The following TAF6L variants were observed in gnomAD, a reference collection of about 807,000 sequenced individuals.
TAF6L encodes TAF6-like RNA polymerase II p300/CBP-associated factor-associated factor 65 kDa subunit 6L.
In TAF6L, 34 loss-of-function variants were observed where a neutral mutation model predicts 57.3. The observed-to-expected ratio is 0.59, with a 90% CI of 0.45 to 0.79. The LOEUF (loss-of-function observed/expected upper bound fraction) is 0.79. Ranked by LOEUF, TAF6L falls within the 30% of genes least tolerant of loss-of-function variation. The probability of loss-of-function intolerance (pLI) is 0.00; values close to 1 mark genes in which losing one functional copy is unlikely to be tolerated. For synonymous variants in TAF6L, 417 were observed against 376.3 expected, an observed-to-expected ratio of 1.11 and a Z score of -1.25; for missense variants, 782 against 853.2, an observed-to-expected ratio of 0.92 and a Z score of 1.04.
rs2084232377 is a variant in TAF6L, at chr11:62,781,875, T to A, written c.532-19T>A. On this transcript the variant is annotated intron_variant, in intron 6 of 10. Transcript: ENST00000294168. The stretch of plus-strand genomic sequence containing the variant: ...CAATTTTCTGGTGGATCCAATGCAG[T>A]CTGGGCCCTTCCTTTTAGGTTGCAC... The A allele has an allele frequency of 1.2e-6, 2 of 1,612,902 alleles. No individual in the cohort carries two copies. Among genetic ancestry groups the A allele is most frequent in the Non-Finnish European group, 1.7e-6 (2 of 1,179,046 alleles).
chr11:62,771,995 G>C, intron 1 of TAF6L: 3 of 409,764 alleles, frequency 7.3e-6, no homozygotes, highest in South Asian at 1.7e-5. Context: ...TACAGCTGGC[G>C]GCTCCTGAAT....
chr11:62,777,519 G>A (rs776736727), intron 3 of TAF6L, among the ~76,000 whole-genome samples: 4 of 152,092 alleles, frequency 2.6e-5, no homozygotes, highest in Non-Finnish European at 4.4e-5. Context: ...CCCTTAAAGG[G>A]TGGTGAAGAA....
intron 5 of TAF6L, 54 bp from the exon 6 acceptor site, chr11:62,778,815 C>A: frequency 6.7e-7 from 1 of 1,488,482 alleles, no homozygotes; most frequent in Non-Finnish European, 9.4e-7. Context: ...GCTGGAGAGG[C>A]CAGGAGAGGG....
intron 1 of TAF6L, among the ~76,000 whole-genome samples, chr11:62,773,690 C>T (rs1344191654): frequency 6.6e-6 from 1 of 152,120 alleles, no homozygotes; most frequent in African/African-American, 2.4e-5. Context: ...TCAGGTGATT[C>T]GCCCGCCTTG....
intron 9 of TAF6L, among the ~76,000 whole-genome samples, chr11:62,784,011 CAG>C (rs2084250539): frequency 7.3e-6 from 1 of 136,502 alleles, no homozygotes; most frequent in African/African-American, 2.7e-5. Flanking sequence ...GCCCGGGCGA[CAG>C]AGTCTCACAC....
In TAF6L at chr11:62,786,650, G is replaced by T. The variant is rs774111090; in HGVS notation, c.1223G>T (p.Gly408Val). ...CTTCTCTTTCAAGAGTCGTCCTCCG[G>T]GGGCGGTGCAGAACCCAGCTTTGGG... is the stretch of plus-strand genomic sequence containing the variant. ...DSLLFQESSS[G>V]GGAEPSFGSG... Residue 408 changes from glycine (G) to valine (V), a missense_variant, in exon 11 of 11, where the codon GGG becomes GTG. Gly to Val is a moderately radical substitution (Grantham distance 109). Around this residue, in one of 3 missense-constraint regions of TAF6L, gnomAD observed 483 missense variants for 445.1 expected, o/e 1.09. Coordinates refer to ENST00000294168, the MANE Select transcript of TAF6L (RefSeq NM_006473.4). 1 of 1,605,056 alleles carries T rather than the reference G, an allele frequency of 6.2e-7. No homozygotes were observed. The highest frequency in any genetic ancestry group is 8.5e-7 in the Non-Finnish European group (1 of 1,176,180).
chr11:62,774,653 AT>A, intron 1 of TAF6L: 1 of 455,096 alleles, frequency 2.2e-6, no homozygotes, highest in Non-Finnish European at 4.4e-6. Context: ...TCGGTTTCTT[AT>A]TGTGCTATAC....
intron 6 of TAF6L, among the ~76,000 whole-genome samples, chr11:62,780,438 G>A (rs1283601318): frequency 6.6e-6 from 1 of 152,092 alleles, no homozygotes; most frequent in Non-Finnish European, 1.5e-5. Flanking sequence ...TTGAACCTGG[G>A]AGGCAGAGGT....
intron 9 of TAF6L, among the ~76,000 whole-genome samples, chr11:62,785,616 C>A (rs1012881687): frequency 1.3e-5 from 2 of 150,292 alleles, no homozygotes; most frequent in Middle Eastern, 3.2e-3. Flanking sequence ...CTCACTGCAA[C>A]CTCTGCCCCC....
chr11:62,782,708 T>C lies in TAF6L; in HGVS notation c.843T>C (p.Leu281=), dbSNP rs573612199. 4.3e-6 allele frequency: 7 copies of C among 1,612,232 alleles called. No individual in the cohort carries two copies. The Admixed American group carries it at 8.3e-5, about 19-fold the overall frequency. The change falls in exon 9 of 11, where the codon CTT becomes CTC. Residue 281 remains leucine (L), a synonymous_variant. Coordinates refer to ENST00000294168, the MANE Select transcript of TAF6L (RefSeq NM_006473.4). ...GCTCCCACAGGACTCATGGGGACCT[T>C]GTAAGTGGCCTCTATCAGCATATCC... is the stretch of plus-strand genomic sequence containing the variant. ...LSHIFWTHGD[L]VSGLYQHILL...
rs186394049 is a variant in TAF6L at position 62,782,724 on chromosome 11, C to G, written c.859C>G (p.Gln287Glu). Residue 287 changes from glutamine to glutamate, a missense_variant, in exon 9 of 11, where the codon CAG becomes GAG. Transcript: ENST00000294168. The stretch of plus-strand genomic sequence containing the variant: ...TGGGGACCTTGTAAGTGGCCTCTAT[C>G]AGCATATCCTGCTATCCCTGCAGAA... The part of the protein sequence containing the change: ...THGDLVSGLY[Q>E]HILLSLQKIL... The G allele has an allele frequency of 3.1e-6, 5 of 1,612,468 alleles. No individual in the cohort carries two copies. Among genetic ancestry groups the G allele is most frequent in the African/African-American group, 2.7e-5 (2 of 74,986 alleles).
chr11:62,778,919 C>G lies in TAF6L; in HGVS notation c.487C>G (p.Gln163Glu). 1 of 1,614,068 alleles carries G rather than the reference C, an allele frequency of 6.2e-7. No homozygotes were observed. The highest frequency in any genetic ancestry group is 8.5e-7 in the Non-Finnish European group (1 of 1,180,000). ...LTDDLLKYYH[Q>E]VTRAVLGDDP... ...AGATGACCTTCTCAAGTACTATCAC[C>G]AGGTGACTCGTGCTGTGCTAGGGGA... The change falls in exon 6 of 11, where the codon CAG (glutamine) becomes GAG (glutamate). Residue 163 changes from glutamine to glutamate, a missense_variant. Physicochemically the swap from Gln to Glu is conservative, Grantham distance 29. Transcript: ENST00000294168.
At position 62,782,674 on chromosome 11, in the gene TAF6L, C is replaced by T; in HGVS notation, c.828-19C>T. 1 of 1,609,996 alleles carries T rather than the reference C, an allele frequency of 6.2e-7. No individual in the cohort carries two copies. The highest frequency in any genetic ancestry group is 2.2e-5 in the East Asian group (1 of 44,838). ...CACCATGCCTCATTCCCCTCCCTAA[C>T]TGAATGGTGCTCCCACAGGACTCAT... On this transcript the variant is annotated intron_variant, in intron 8 of 10. Coordinates refer to ENST00000294168, the MANE Select transcript of TAF6L (RefSeq NM_006473.4).
chr11:62,786,474 G>T, intron 10 of TAF6L, 43 bp from the exon 11 acceptor site: 1 of 1,584,128 alleles, frequency 6.3e-7, no homozygotes. Context: ...ATGGGCCCAG[G>T]TTCCTCGAAT....
intron 9 of TAF6L, among the ~76,000 whole-genome samples, chr11:62,783,293 T>C (rs1412465900): frequency 6.6e-6 from 1 of 152,068 alleles, no homozygotes; most frequent in Non-Finnish European, 1.5e-5. Context: ...CCATCCTGGC[T>C]AACACGGTGA....
Position 62,772,912 on chromosome 11 carries a change from CTG to C in TAF6L, c.-14+1424_-14+1425del, listed in dbSNP as rs2084160179. Among the ~76,000 whole-genome samples, 6 of 150,116 alleles carry C rather than the reference CTG, an allele frequency of 4.0e-5. No individual in the cohort carries two copies. The South Asian group carries it at 1.3e-3, about 31-fold the overall frequency. On this transcript the variant is annotated intron_variant, in intron 1 of 10. Coordinates refer to ENST00000294168, the MANE Select transcript of TAF6L (RefSeq NM_006473.4). ...GTTTTTTTTGAGACTGAGTTTAGCTCTGTCATCCAGGCTGGAGTGCAGTGGTG... is the reference window on the plus strand; with the variant it reads ...GTTTTTTTTGAGACTGAGTTTAGCTCTCATCCAGGCTGGAGTGCAGTGGTG...
rs1286313757 is a variant in TAF6L, at chr11:62,786,686, C to T, written c.1259C>T (p.Pro420Leu). 1.2e-6 allele frequency: 2 copies of T among 1,612,056 alleles called. No individual in the cohort carries two copies. Among genetic ancestry groups the T allele is most frequent in the Non-Finnish European group, 1.7e-6 (2 of 1,179,310 alleles). ...GAEPSFGSGL[P>L]LPPGGAGPED... ...GAACCCAGCTTTGGGTCCGGCCTCC[C>T]GCTGCCGCCAGGGGGCGCGGGGCCG... Residue 420 changes from proline (P) to leucine (L), a missense_variant, in exon 11 of 11, where the codon CCG (proline) becomes CTG (leucine). Pro to Leu is a moderately conservative substitution (Grantham distance 98). Around this residue, in one of 3 missense-constraint regions of TAF6L, gnomAD observed 483 missense variants for 445.1 expected, o/e 1.09. Coordinates refer to ENST00000294168, the MANE Select transcript of TAF6L (RefSeq NM_006473.4).
chr11:62,780,732 C>G (rs1393954965), intron 6 of TAF6L, among the ~76,000 whole-genome samples: 1 of 150,982 alleles, frequency 6.6e-6, no homozygotes. Context: ...GAGTTCGAGA[C>G]CAGCCTGGCC....
intron 1 of TAF6L, among the ~76,000 whole-genome samples, chr11:62,774,925 C>T (rs1243230178): frequency 1.3e-5 from 2 of 149,576 alleles, no homozygotes; most frequent in African/African-American, 4.9e-5. Flanking sequence ...GCCATCCGGG[C>T]GTGGTGGCAG....
Sources: allele counts gnomAD v4.1 joint callset (sites outside exome capture counted in the v4.1 genomes callset), GRCh38; gene constraint gnomAD v4.1.1; regional missense constraint gnomAD v4.1.1; transcripts MANE v1.5; gene names NCBI Gene and HGNC (gene_info 2026-07-23, HGNC 2026-07-21).